CWC22: variants seen among roughly 807,000 people sequenced by gnomAD.
The protein encoded by CWC22 is CWC22 spliceosome associated protein.
CWC22 carries 53 observed loss-of-function variants against 117.2 expected under a neutral mutation model. That is an observed-to-expected ratio of 0.45 (90% confidence interval 0.36 to 0.57). The LOEUF (loss-of-function observed/expected upper bound fraction) is 0.57, where lower values mean the gene tolerates loss of function less well. CWC22 is among the 20% of genes least tolerant of loss of function. The pLI is 0.00. For missense variants in CWC22, 980 were observed against 1,068.8 expected (o/e 0.92, Z 1.16); for synonymous variants, 360 against 355.6 (o/e 1.01, Z -0.14).
intron 19 of CWC22, among the ~76,000 whole-genome samples, chr2:179,948,696 G>A (rs376880719): frequency 6.6e-6 from 1 of 152,034 alleles, no homozygotes; most frequent in African/African-American, 2.4e-5. Flanking sequence ...CCATACTGAG[G>A]GACAGGTTAC....
chr2:179,982,914 T>C (rs1020198454), intron 4 of CWC22, among the ~76,000 whole-genome samples: 1 of 152,170 alleles, frequency 6.6e-6, no homozygotes, highest in Non-Finnish European at 1.5e-5. Flanking sequence ...GAGTTATATA[T>C]AATATAGTAA....
chr2:179,990,660 A>G (rs1032800884), intron 2 of CWC22, among the ~76,000 whole-genome samples: 2 of 152,142 alleles, frequency 1.3e-5, no homozygotes, highest in South Asian at 2.1e-4. Flanking sequence ...TTCTTTTACA[A>G]GGCAAAGAAA....
chr2:179,973,813 A>C lies in CWC22; in HGVS notation c.582-11T>G. On this transcript the variant is annotated splice_polypyrimidine_tract_variant and intron_variant, in intron 6 of 19. Coordinates refer to ENST00000410053, the MANE Select transcript of CWC22 (RefSeq NM_020943.3). ...CTGGACAGCAGTCCTCTGTTTAAAA[A>C]AGAATTTAAAAAGGAGTCAACAATA... The C allele has an allele frequency of 1.3e-6, 2 of 1,496,422 alleles. No individual in the cohort carries two copies. The highest frequency in any genetic ancestry group is 1.8e-6 in the Non-Finnish European group (2 of 1,118,702). 92.7% of individuals were successfully genotyped at this position (1,496,422 alleles called of 1,614,324 possible).
chr2:179,986,817 T>C lies in CWC22; in HGVS notation c.96-12A>G, dbSNP rs375923302. The C allele has an allele frequency of 3.4e-6, 5 of 1,468,652 alleles. No homozygotes were observed. The African/African-American group carries it at 5.7e-5, about 17-fold the overall frequency. The allele number at this position is 1,468,652 out of a possible 1,614,324, so 91.0% of individuals were successfully genotyped here. A position where few individuals can be genotyped will look rare whatever the true frequency, so the allele number is the denominator to read the frequency against. ...CTTGTTCTTCATATCTAACATAAAA[T>C]AAGAAAACCAAGTTGCAAATTAAAA... On this transcript the variant is annotated splice_polypyrimidine_tract_variant and intron_variant, in intron 3 of 19. Coordinates refer to ENST00000410053, the MANE Select transcript of CWC22 (RefSeq NM_020943.3).
At chr2:180,003,593 A>G (rs1409384631) in intron 1 of CWC22, among the ~76,000 whole-genome samples, 1 of 152,198 alleles carries the variant, frequency 6.6e-6, no homozygotes, top group Admixed American at 6.5e-5. Flanking sequence ...GCCCCTAGAC[A>G]TGCAAGCACT....
chr2:179,981,954 C>T lies in CWC22; in HGVS notation c.250G>A (p.Asp84Asn), dbSNP rs188805642. ...GGGGATTTCCGAGACCTTTTCCGATCCGTATCTCTTTCTCTTTCTCTGCGT... is the reference window on the plus strand; with the variant it reads ...GGGGATTTCCGAGACCTTTTCCGATTCGTATCTCTTTCTCTTTCTCTGCGT... ...EKRRERERDT[D>N]RKRSRKSPSP... The change falls in exon 5 of 20, where the codon GAT (aspartate) becomes AAT (asparagine). Residue 84 changes from aspartate (D) to asparagine (N), a missense_variant. Asp to Asn is a conservative substitution (Grantham distance 23). This residue lies in a region of CWC22 where 559 missense variants were observed against 602.3 expected (regional missense o/e 0.93). Transcript: ENST00000410053. 6 of 1,558,940 alleles carry T rather than the reference C, an allele frequency of 3.8e-6. No homozygotes were observed. The highest frequency in any genetic ancestry group is 1.7e-4 in the Middle Eastern group (1 of 5,998).
chr2:179,950,583 C>T lies in CWC22; in HGVS notation c.2069G>A (p.Ser690Asn). ...ACTGGAAGACTCTGAACTGCTATCA[C>T]TGCTGTCAGAATCAGAGTCGGATGA... is the stretch of plus-strand genomic sequence containing the variant. ...SDSSDSDSDSSDSSSESSSEE... is the reference protein window; with the variant it reads ...SDSSDSDSDSNDSSSESSSEE... The change falls in exon 19 of 20, where the codon AGT becomes AAT. Residue 690 changes from serine to asparagine, a missense_variant. This residue lies in a region of CWC22 where 306 missense variants were observed against 296.8 expected (regional missense o/e 1.03). Coordinates refer to ENST00000410053, the MANE Select transcript of CWC22 (RefSeq NM_020943.3). The T allele has an allele frequency of 1.9e-6, 3 of 1,613,404 alleles. No homozygotes were observed. Among genetic ancestry groups the T allele is most frequent in the Non-Finnish European group, 2.5e-6 (3 of 1,179,550 alleles).
chr2:180,001,972 A>G (rs564575917), intron 1 of CWC22, among the ~76,000 whole-genome samples: 1 of 152,324 alleles, frequency 6.6e-6, no homozygotes, highest in East Asian at 1.9e-4. Flanking sequence ...ATGAATGAAT[A>G]GTCCTTATCT....
Position 179,978,394 on chromosome 2 carries a change from T to A in CWC22, c.453-76A>T, listed in dbSNP as rs534666805. ...AAGCTATAAGAACATAAAAACTACA[T>A]AGTGCTCCTTAATTTTTGACATTAT... On this transcript the variant is annotated intron_variant, in intron 5 of 19. Transcript: ENST00000410053. 3.7e-6 allele frequency: 5 copies of A among 1,333,724 alleles called. No homozygotes were observed. In the South Asian group the frequency reaches 9.0e-5, roughly 24 times the overall value. 82.6% of individuals were successfully genotyped at this position (1,333,724 alleles called of 1,614,324 possible).
intron 11 of CWC22, among the ~76,000 whole-genome samples, chr2:179,968,787 C>T (rs1410769813): frequency 6.6e-6 from 1 of 151,884 alleles, no homozygotes; most frequent in Non-Finnish European, 1.5e-5. Flanking sequence ...AGACTAGTCT[C>T]GAACTCCTGA....
Position 179,947,025 on chromosome 2 carries a change from A to G in CWC22, c.2141-1310T>C, listed in dbSNP as rs1420371168. Among the ~76,000 whole-genome samples, 4 of 152,346 alleles carry G rather than the reference A, an allele frequency of 2.6e-5. No homozygotes were observed. The East Asian group carries it at 7.7e-4, about 29-fold the overall frequency. ...TATACTGAAATAACCACTTTAAGCA[A>G]TAAAACAAACTTAATCAGTTTATCT... On this transcript the variant is annotated intron_variant, in intron 19 of 19. Transcript: ENST00000410053.
intron 2 of CWC22, among the ~76,000 whole-genome samples, chr2:179,990,216 T>A (rs187796797): frequency 6.6e-6 from 1 of 152,292 alleles, no homozygotes; most frequent in Non-Finnish European, 1.5e-5. Context: ...TATAAGAAAG[T>A]TTTAAAAATT....
At chr2:180,001,452 C>T (rs1687849293) in intron 1 of CWC22, among the ~76,000 whole-genome samples, 1 of 152,040 alleles carries the variant, frequency 6.6e-6, no homozygotes, top group South Asian at 2.1e-4. Context: ...CAGCCTCCTC[C>T]TGAATAGCTG....
At chr2:179,949,468 C>T (rs2105505707) in intron 19 of CWC22, among the ~76,000 whole-genome samples, 1 of 152,222 alleles carries the variant, frequency 6.6e-6, no homozygotes, top group East Asian at 1.9e-4. Context: ...ACTAAAACCG[C>T]CATGCAGTAC....
intron 13 of CWC22, among the ~76,000 whole-genome samples, chr2:179,960,540 C>A (rs1239575545): frequency 6.6e-6 from 1 of 151,772 alleles, no homozygotes; most frequent in Non-Finnish European, 1.5e-5. Context: ...AAATTAGAAA[C>A]AACTGGAGGT....
chr2:179,999,593 G>A (rs577715216), intron 1 of CWC22, among the ~76,000 whole-genome samples: 3 of 152,244 alleles, frequency 2.0e-5, no homozygotes, highest in Non-Finnish European at 4.4e-5. Flanking sequence ...TGGCTGAAAT[G>A]CACTGCTTTC....
rs758592827 is a variant in CWC22 at position 179,970,931 on chromosome 2, G to A, written c.940+10C>T. The stretch of plus-strand genomic sequence containing the variant: ...AAAAACTTAACATCAAACTATGAAT[G>A]TACACTTACCATTGATTCCTCTTGG... On this transcript the variant is annotated intron_variant, in intron 9 of 19. Coordinates refer to ENST00000410053, the MANE Select transcript of CWC22 (RefSeq NM_020943.3). 1 of 1,611,686 alleles carries A rather than the reference G, an allele frequency of 6.2e-7. No homozygotes were observed. Among genetic ancestry groups the A allele is most frequent in the South Asian group, 1.1e-5 (1 of 90,724 alleles).
chr2:179,964,096 C>G (rs1686828518), intron 13 of CWC22, among the ~76,000 whole-genome samples: 1 of 152,200 alleles, frequency 6.6e-6, no homozygotes, highest in Non-Finnish European at 1.5e-5. Context: ...ATTCCTATTT[C>G]TGTTTATACT....
rs1688002125 is a variant in CWC22 at position 180,007,074 on chromosome 2, A to C, written c.-321T>G. 1.3e-5 allele frequency: 2 copies of C among 152,016 alleles called. No homozygotes were observed. Among genetic ancestry groups the C allele is most frequent in the South Asian group, 2.1e-4 (1 of 4,816 alleles). 9.4% of individuals were successfully genotyped at this position (152,016 alleles called of 1,614,324 possible). A position where few individuals can be genotyped will look rare whatever the true frequency, so the allele number is the denominator to read the frequency against. ...TCCACGGAGTTCGATAATTACCTAG[A>C]GCTCCACCGCGCCGCCATTACACCG... On this transcript the variant is annotated 5_prime_UTR_variant, in exon 1 of 20. Coordinates refer to ENST00000410053, the MANE Select transcript of CWC22 (RefSeq NM_020943.3).
Sources: allele counts gnomAD v4.1 joint callset (sites outside exome capture counted in the v4.1 genomes callset), GRCh38; gene constraint gnomAD v4.1.1; regional missense constraint gnomAD v4.1.1; transcripts MANE v1.5; gene names NCBI Gene and HGNC (gene_info 2026-07-23, HGNC 2026-07-21).